Variants in SMAP2 observed in about 807,000 individuals in gnomAD.
SMAP2 encodes stromal membrane-associated protein 2.
A neutral mutation model predicts 56.4 loss-of-function variants in SMAP2; 25 were observed. That is an observed-to-expected ratio of 0.44 (90% CI 0.32 to 0.62). SMAP2 has a LOEUF of 0.62. Among genes scored for constraint, SMAP2 ranks in the 20% least tolerant of loss-of-function variants. SMAP2 has a pLI of 0.04. For missense variants in SMAP2, 388 were observed against 545.6 expected (o/e 0.71, Z 2.88); for synonymous variants, 157 against 181.7 (o/e 0.86, Z 1.09).
rs544703032 is a variant in SMAP2 at position 40,384,481 on chromosome 1, T to C, written c.103+10258T>C. ...TTTTCTACGTGATTATAAAAGTGTCTAATGAGTTATATGAGACAAGTTCAG... is the reference window on the plus strand; with the variant it reads ...TTTTCTACGTGATTATAAAAGTGTCCAATGAGTTATATGAGACAAGTTCAG... On this transcript the variant is annotated intron_variant, in intron 1 of 9. Transcript: ENST00000372718. Among the ~76,000 whole-genome samples the C allele has an allele frequency of 3.3e-5, 5 of 152,338 alleles. No individual in the cohort carries two copies. In the East Asian group the frequency reaches 9.6e-4, roughly 29 times the overall value.
chr1:40,393,386 G>A, intron 1 of SMAP2: 1 of 1,535,536 alleles, frequency 6.5e-7, no homozygotes, highest in Non-Finnish European at 8.7e-7. Context: ...AGAGCGCCGT[G>A]GGAGTTGGAA....
rs1644648824 is a variant in SMAP2, at chr1:40,385,844, CTCTTT to C, written c.103+11626_103+11630del. 6.6e-6 allele frequency among the ~76,000 whole-genome samples: 1 copy of C among 152,144 alleles called. No homozygotes were observed. The highest frequency in any genetic ancestry group is 2.1e-4 in the South Asian group (1 of 4,826). On this transcript the variant is annotated intron_variant, in intron 1 of 9. Coordinates refer to ENST00000372718, the MANE Select transcript of SMAP2 (RefSeq NM_022733.3). This position sits in a 1 kb window ranked among gnomAD's most constrained non-coding sequence, Gnocchi z 4.5. ...ACAGTACATTTTGTTCTTTAACTTC[CTCTTT>C]TCTTGTCTAACTGGAAGTCCCCAAA...
At chr1:40,414,083 G>A (rs772816296) in intron 5 of SMAP2, 76 bp from the exon 6 acceptor site, 30 of 1,309,536 alleles carry the variant, frequency 2.3e-5, no homozygotes, top group Admixed American at 5.4e-5. Context: ...CAAGAACACC[G>A]TGGCTTTACA....
intron 8 of SMAP2, 47 bp downstream of exon 8, chr1:40,416,388 G>A: frequency 2.5e-6 from 4 of 1,574,056 alleles, no homozygotes; most frequent in Non-Finnish European, 2.6e-6. Context: ...GAGACATGAG[G>A]GCTTCCATGC....
intron 1 of SMAP2, among the ~76,000 whole-genome samples, chr1:40,379,281 C>A (rs532307915): frequency 6.7e-4 from 102 of 152,176 alleles, no homozygotes; most frequent in African/African-American, 2.1e-3. Flanking sequence ...CCATTGTCGG[C>A]AATTTCTTAC....
chr1:40,404,986 T>A (rs1365656884), intron 1 of SMAP2, among the ~76,000 whole-genome samples: 1 of 152,170 alleles, frequency 6.6e-6, no homozygotes, highest in East Asian at 1.9e-4. Context: ...GTGATAGCAA[T>A]AAGGTATTGG....
intron 2 of SMAP2, among the ~76,000 whole-genome samples, chr1:40,364,082 A>G (rs1644469845): frequency 6.6e-6 from 1 of 152,226 alleles, no homozygotes; most frequent in Non-Finnish European, 1.5e-5. Context: ...TGGCCAGTGA[A>G]TCAGAAACTG....
chr1:40,361,360 A>G (rs770770379), intron 1 of SMAP2, among the ~76,000 whole-genome samples: 1 of 152,130 alleles, frequency 6.6e-6, no homozygotes, highest in African/African-American at 2.4e-5. Flanking sequence ...AGGACTCACC[A>G]TGGGCCTTGG....
intron 1 of SMAP2, among the ~76,000 whole-genome samples, chr1:40,387,921 G>A (rs958968922): frequency 8.1e-6 from 1 of 123,126 alleles, no homozygotes; most frequent in African/African-American, 2.9e-5. Context: ...GGGTGGGCAT[G>A]GGCTTGGCGG....
intron 1 of SMAP2, among the ~76,000 whole-genome samples, chr1:40,348,532 TA>T (rs922029674): frequency 6.6e-6 from 1 of 151,900 alleles, no homozygotes; most frequent in Non-Finnish European, 1.5e-5. Flanking sequence ...CTGCCTTCAC[TA>T]AAAATACAAA....
chr1:40,400,594 A>T (rs1041475398), intron 1 of SMAP2, among the ~76,000 whole-genome samples: 1 of 152,242 alleles, frequency 6.6e-6, no homozygotes, highest in South Asian at 2.1e-4. Flanking sequence ...AGGTTTCATG[A>T]TGCATAATTT....
At chr1:40,366,093 A>T (rs916843257) in intron 2 of SMAP2, among the ~76,000 whole-genome samples, 1 of 151,396 alleles carries the variant, frequency 6.6e-6, no homozygotes, top group Admixed American at 6.6e-5. Context: ...ACTGGAAGAA[A>T]GGGTGTCAGC....
Position 40,374,159 on chromosome 1 carries a change from G to C in SMAP2, c.39G>C (p.Gln13His). Residue 13 changes from glutamine (Q) to histidine (H), a missense_variant, in exon 1 of 10, where the codon CAG becomes CAC. Physicochemically the swap from Gln to His is conservative, Grantham distance 24. Transcript: ENST00000372718. The surrounding 1 kb of genome is among the most constrained non-coding windows in gnomAD (Gnocchi z 5.9). ...CGGTGAAGGACGTGGATCGGTACCA[G>C]GCTGTCCTGGCCAACCTGCTGCTGG... is the stretch of plus-strand genomic sequence containing the variant. ...GKSVKDVDRY[Q>H]AVLANLLLEE... 6.2e-7 allele frequency: 1 copy of C among 1,613,788 alleles called. No homozygotes were observed. Among genetic ancestry groups the C allele is most frequent in the Non-Finnish European group, 8.5e-7 (1 of 1,179,848 alleles).
chr1:40,375,703 G>A (rs1644534410), intron 1 of SMAP2: 2 of 680,328 alleles, frequency 2.9e-6, no homozygotes, highest in African/African-American at 1.9e-5. Context: ...TTTTAGGAGT[G>A]TATCTTGGCT....
intron 1 of SMAP2, among the ~76,000 whole-genome samples, chr1:40,388,662 C>T (rs932653326): frequency 1.2e-4 from 18 of 152,296 alleles, no homozygotes; most frequent in Non-Finnish European, 1.9e-4. Flanking sequence ...ACAGACCGCT[C>T]CGCTCTACCA....
intron 1 of SMAP2, among the ~76,000 whole-genome samples, chr1:40,397,209 A>G (rs999582599): frequency 6.6e-6 from 1 of 152,186 alleles, no homozygotes; most frequent in Non-Finnish European, 1.5e-5. Flanking sequence ...AAATTACTGC[A>G]AATCATCTAC....
chr1:40,392,827 C>A (rs1644729845), intron 1 of SMAP2, among the ~76,000 whole-genome samples: 1 of 152,130 alleles, frequency 6.6e-6, no homozygotes, highest in African/African-American at 2.4e-5. Context: ...AGGCCGGGCT[C>A]AGTGGCTCAT....
At chr1:40,355,693 GCTC>G (rs1209836994) in intron 1 of SMAP2, among the ~76,000 whole-genome samples, 1 of 151,982 alleles carries the variant, frequency 6.6e-6, no homozygotes, top group East Asian at 1.9e-4. Context: ...ACCGGTCAGG[GCTC>G]ACTTCAGCCT....
In SMAP2 at chr1:40,386,853, C is replaced by CTT. The variant is rs57984975; in HGVS notation, c.103+12647_103+12648dup. On this transcript the variant is annotated intron_variant, in intron 1 of 9. Transcript: ENST00000372718. The surrounding 1 kb of genome is among the most constrained non-coding windows in gnomAD (Gnocchi z 4.1). Reference sequence around the variant, plus strand: ...GATGCTGAAGGTATTTTTCATAATTCTTTTTTTTTTTTTTTTTTGGAGACA... The same window carrying CTT: ...GATGCTGAAGGTATTTTTCATAATTCTTTTTTTTTTTTTTTTTTTTGGAGACA... Among the ~76,000 whole-genome samples the CTT allele has an allele frequency of 0.046, 5,883 of 127,288 alleles. 205 individuals carry two copies. Among genetic ancestry groups the CTT allele is most frequent in the Middle Eastern group, 0.093 (23 of 246 alleles). The allele number at this position is 127,288 out of a possible 152,430, so 83.5% of individuals were successfully genotyped here. A position where few individuals can be genotyped will look rare whatever the true frequency, so the allele number is the denominator to read the frequency against.
Sources: gnomAD v4.1 joint callset for allele counts (sites outside exome capture counted in the v4.1 genomes callset) on GRCh38, gnomAD v4.1.1 for gene constraint, Gnocchi (gnomAD v3.1) non-coding constraint, MANE v1.5 for transcripts, NCBI Gene and HGNC (gene_info 2026-07-23, HGNC 2026-07-21) for gene names.